Variants in UNC13C observed in about 807,000 individuals in gnomAD.
UNC13C encodes the protein protein unc-13 homolog C.
UNC13C carries 174 observed loss-of-function variants against 245.4 expected under a neutral mutation model. That is an observed-to-expected ratio of 0.71 (90% CI 0.63 to 0.80). The LOEUF is 0.80. Among genes scored for constraint, UNC13C ranks in the 30% least tolerant of loss-of-function variants. The pLI is 0.00. For missense variants in UNC13C, 2,829 were observed against 2,602.9 expected (o/e 1.09, Z -1.89); for synonymous variants, 992 against 895.1 (o/e 1.11, Z -1.93).
At chr15:54,288,507 T>A (rs913177911) in intron 10 of UNC13C, among the ~76,000 whole-genome samples, 1 of 151,564 alleles carries the variant, frequency 6.6e-6, no homozygotes, top group Admixed American at 6.6e-5. Context: ...TTTTTTTTTC[T>A]TTTAATTGCT....
chr15:54,115,507 T>C (rs1390973877), intron 2 of UNC13C, among the ~76,000 whole-genome samples: 5 of 152,114 alleles, frequency 3.3e-5, no homozygotes, highest in African/African-American at 7.2e-5. Flanking sequence ...TTTTTAAAAT[T>C]GATACATAAT....
intron 17 of UNC13C, among the ~76,000 whole-genome samples, chr15:54,340,729 A>G (rs927618677): frequency 2.0e-5 from 3 of 152,124 alleles, no homozygotes; most frequent in African/African-American, 7.2e-5. Flanking sequence ...TGAGGTCTCC[A>G]GATGTGTTCC....
the UNC13C span, among the ~76,000 whole-genome samples, chr15:53,970,790 A>G: frequency 6.6e-6 from 1 of 152,164 alleles, no homozygotes; most frequent in Non-Finnish European, 1.5e-5. Flanking sequence ...ATGTTGACCT[A>G]TATAATAAAC....
Position 54,468,847 on chromosome 15 carries a change from A to G in UNC13C, c.4934-25761A>G, listed in dbSNP as rs1407442921. Among the ~76,000 whole-genome samples, 6 of 151,754 alleles carry G rather than the reference A, an allele frequency of 4.0e-5. 1 individual carries two copies. The South Asian group carries it at 6.2e-4, about 16-fold the overall frequency. On this transcript the variant is annotated intron_variant, in intron 19 of 32. Coordinates refer to ENST00000260323, the MANE Select transcript of UNC13C (RefSeq NM_001080534.3). Reference sequence around the variant, plus strand: ...CAATACTATGCACTTGGTTTATTATAGCTTTGTAAGTATTTTGAAATCCAG... The same window carrying G: ...CAATACTATGCACTTGGTTTATTATGGCTTTGTAAGTATTTTGAAATCCAG...
the UNC13C span, among the ~76,000 whole-genome samples, chr15:53,864,410 T>A: frequency 6.6e-6 from 1 of 152,206 alleles, no homozygotes; most frequent in East Asian, 1.9e-4. Context: ...GTTTACTCTT[T>A]CTCAATCCCA....
At chr15:54,258,769 T>C (rs1446771743) in intron 8 of UNC13C, among the ~76,000 whole-genome samples, 1 of 152,216 alleles carries the variant, frequency 6.6e-6, no homozygotes, top group East Asian at 1.9e-4. Context: ...GTTATCTCAT[T>C]GAATCCTCAT....
chr15:54,433,278 G>A (rs190392884), intron 19 of UNC13C, among the ~76,000 whole-genome samples: 6 of 151,388 alleles, frequency 4.0e-5, no homozygotes, highest in Non-Finnish European at 8.9e-5. Flanking sequence ...GAGACACAGC[G>A]AGAAAAGAAA....
the UNC13C span, among the ~76,000 whole-genome samples, chr15:53,919,790 A>G: frequency 2.0e-5 from 3 of 152,354 alleles, no homozygotes; most frequent in East Asian, 3.9e-4. Flanking sequence ...ATAACATGCT[A>G]TAGGATTCTC....
At chr15:54,142,710 G>GTCTAGTAA (rs2032080051) in intron 2 of UNC13C, among the ~76,000 whole-genome samples, 1 of 152,094 alleles carries the variant, frequency 6.6e-6, no homozygotes, top group Non-Finnish European at 1.5e-5. Context: ...TCTAGTAAGT[G>GTCTAGTAA]GCAGAGCCTC....
intron 19 of UNC13C, among the ~76,000 whole-genome samples, chr15:54,415,802 A>G (rs1272517067): frequency 6.6e-6 from 1 of 152,192 alleles, no homozygotes; most frequent in Non-Finnish European, 1.5e-5. Context: ...GAGGAGGACT[A>G]CAAGAATGCA....
At chr15:54,039,592 C>CT (rs1173296028) in intron 2 of UNC13C, among the ~76,000 whole-genome samples, 5 of 151,810 alleles carry the variant, frequency 3.3e-5, no homozygotes, top group South Asian at 2.1e-4. Flanking sequence ...TTCTTGGACT[C>CT]TTTTTTTTCC....
intron 4 of UNC13C, among the ~76,000 whole-genome samples, chr15:54,179,189 T>G (rs2033715514): frequency 6.6e-6 from 1 of 152,056 alleles, no homozygotes; most frequent in Non-Finnish European, 1.5e-5. Flanking sequence ...AGAAAAAAGG[T>G]AAGCTCAACC....
At chr15:54,371,088 ATTG>A (rs1197565770) in intron 17 of UNC13C, among the ~76,000 whole-genome samples, 1 of 152,114 alleles carries the variant, frequency 6.6e-6, no homozygotes, top group Non-Finnish European at 1.5e-5. Context: ...ATAATTACAT[ATTG>A]TACAATTGAT....
intron 8 of UNC13C, among the ~76,000 whole-genome samples, chr15:54,255,998 G>GAGGT (rs1242119482): frequency 1.3e-5 from 2 of 152,314 alleles, no homozygotes; most frequent in Admixed American, 6.5e-5. Flanking sequence ...TAATGCCGTA[G>GAGGT]AGGTATTCTA....
chr15:54,242,207 G>C (rs9944267), intron 7 of UNC13C, among the ~76,000 whole-genome samples: 28,941 of 151,894 alleles, frequency 0.19, 2,885 homozygotes, highest in Middle Eastern at 0.22. Context: ...CTCTGGGATG[G>C]TTTCTATAAA....
intron 19 of UNC13C, among the ~76,000 whole-genome samples, chr15:54,445,708 G>A (rs1171997554): frequency 2.0e-5 from 3 of 152,070 alleles, no homozygotes; most frequent in Admixed American, 6.5e-5. Flanking sequence ...TGTCAGATGA[G>A]TAGATTGCAA....
intron 30 of UNC13C, among the ~76,000 whole-genome samples, chr15:54,583,533 T>C (rs1472369822): frequency 6.6e-6 from 1 of 152,198 alleles, no homozygotes; most frequent in African/African-American, 2.4e-5. Context: ...ACCTAGAAAT[T>C]TGATTCCTGC....
intron 30 of UNC13C, among the ~76,000 whole-genome samples, chr15:54,601,536 G>A (rs958878204): frequency 1.3e-5 from 2 of 152,174 alleles, no homozygotes; most frequent in African/African-American, 4.8e-5. Context: ...TGTAGAAATT[G>A]TCTTACTTGA....
At chr15:54,441,130 AT>A (rs1257807959) in intron 19 of UNC13C, among the ~76,000 whole-genome samples, 2 of 151,860 alleles carry the variant, frequency 1.3e-5, no homozygotes, top group Non-Finnish European at 2.9e-5. Flanking sequence ...TCTGTTGGTT[AT>A]TTCATTTGCT....
Sources: allele counts gnomAD v4.1 joint callset (sites outside exome capture counted in the v4.1 genomes callset), GRCh38; gene constraint gnomAD v4.1.1; transcripts MANE v1.5; gene names NCBI Gene and HGNC (gene_info 2026-07-23, HGNC 2026-07-21).